MAGI1: variants seen among roughly 807,000 people sequenced by gnomAD.
The protein encoded by MAGI1 is membrane associated guanylate kinase, WW and PDZ domain containing 1.
A neutral mutation model predicts 139.9 loss-of-function variants in MAGI1; 58 were observed. The ratio of observed to expected loss-of-function variants is 0.41; its 90% confidence interval spans 0.34 to 0.52. MAGI1 has a LOEUF of 0.52. MAGI1 is among the 20% of genes least tolerant of loss of function. The pLI is 0.12. For missense variants in MAGI1, 1,874 were observed against 1,901.6 expected, an observed-to-expected ratio of 0.99 and a Z score of 0.27; for synonymous variants, 812 against 737.9, an observed-to-expected ratio of 1.10 and a Z score of -1.63.
intron 1 of MAGI1, among the ~76,000 whole-genome samples, chr3:65,643,706 A>G (rs989322006): frequency 2.6e-5 from 4 of 152,082 alleles, no homozygotes; most frequent in African/African-American, 9.7e-5. Context: ...TAGCTAAAGA[A>G]TTAGGGAAGA....
At chr3:65,623,505 T>TA (rs1434537176) in intron 1 of MAGI1, among the ~76,000 whole-genome samples, 3 of 152,206 alleles carry the variant, frequency 2.0e-5, no homozygotes, top group Non-Finnish European at 4.4e-5. Flanking sequence ...CAATGACAGC[T>TA]AAAAATAACT....
chr3:65,501,246 C>T (rs1559612713), intron 2 of MAGI1, among the ~76,000 whole-genome samples: 2 of 151,772 alleles, frequency 1.3e-5, no homozygotes, highest in Non-Finnish European at 2.9e-5. Context: ...TTTGGGAGGC[C>T]GAAGTGGATG....
In MAGI1 at chr3:65,478,657, G is replaced by A. The variant is rs768156669; in HGVS notation, c.692C>T (p.Ala231Val). The A allele has an allele frequency of 1.2e-6, 2 of 1,614,064 alleles. No homozygotes were observed. Among genetic ancestry groups the A allele is most frequent in the Non-Finnish European group, 8.5e-7 (1 of 1,179,980 alleles). Residue 231 changes from alanine to valine, a missense_variant, in exon 4 of 23, where the codon GCT becomes GTT. This residue lies in a region of MAGI1 where 648 missense variants were observed against 598.1 expected (regional missense o/e 1.08). Coordinates refer to ENST00000402939, the MANE Select transcript of MAGI1 (RefSeq NM_001033057.2). ...RTKSYNDMQN[A>V]GIVHAENEEE... is the part of the protein sequence containing the mutation. ...CTCATTCTCCGCGTGGACTATGCCA[G>A]CATTTTGCATATCATTGTAGGACTT...
intron 5 of MAGI1, among the ~76,000 whole-genome samples, chr3:65,469,167 A>G (rs1401205881): frequency 6.6e-6 from 1 of 152,170 alleles, no homozygotes; most frequent in Admixed American, 6.5e-5. Flanking sequence ...CACAGAGAAT[A>G]GATGTAGGAT....
At position 65,391,122 on chromosome 3, in the gene MAGI1, G is replaced by C. The variant is rs535975008; in HGVS notation, c.2416+20C>G. 6.2e-7 allele frequency: 1 copy of C among 1,608,936 alleles called. No homozygotes were observed. Among genetic ancestry groups the C allele is most frequent in the Non-Finnish European group, 8.5e-7 (1 of 1,175,558 alleles). On this transcript the variant is annotated intron_variant, in intron 14 of 22. Coordinates refer to ENST00000402939, the MANE Select transcript of MAGI1 (RefSeq NM_001033057.2). Reference sequence around the variant, plus strand: ...CCTGCGGAGGGGTCAGGGTAAGACAGAGGCCAGGATGCTACTCACGTCGGT... The same window carrying C: ...CCTGCGGAGGGGTCAGGGTAAGACACAGGCCAGGATGCTACTCACGTCGGT...
chr3:65,889,138 A>G (rs757506624), intron 1 of MAGI1, among the ~76,000 whole-genome samples: 1 of 152,244 alleles, frequency 6.6e-6, no homozygotes, highest in Non-Finnish European at 1.5e-5. Context: ...TCTGAAGCAT[A>G]GCCTCTAAAA....
At position 65,650,850 on chromosome 3, in the gene MAGI1, C is replaced by G. The variant is rs1018300379; in HGVS notation, c.314-28762G>C. 2.6e-5 allele frequency among the ~76,000 whole-genome samples: 4 copies of G among 152,164 alleles called. No individual in the cohort carries two copies. In the South Asian group the frequency reaches 6.2e-4, roughly 24 times the overall value. On this transcript the variant is annotated intron_variant, in intron 1 of 22. Transcript: ENST00000402939. Reference sequence around the variant, plus strand: ...GTATGAGAGGCATTGACATAAACTACTATACGATTCTTACAATTTACAGCA... The same window carrying G: ...GTATGAGAGGCATTGACATAAACTAGTATACGATTCTTACAATTTACAGCA...
At chr3:65,456,898 A>T (rs1193072314) in intron 5 of MAGI1, among the ~76,000 whole-genome samples, 1 of 152,170 alleles carries the variant, frequency 6.6e-6, no homozygotes, top group African/African-American at 2.4e-5. Context: ...CTATTCCTTC[A>T]CCAATAACAC....
chr3:65,615,826 G>A (rs180974200), intron 2 of MAGI1, among the ~76,000 whole-genome samples: 135 of 152,196 alleles, frequency 8.9e-4, no homozygotes, highest in African/African-American at 3.1e-3. Context: ...CTTACTTCGC[G>A]AAACATAAAT....
At chr3:65,723,408 G>A (rs2033270221) in intron 1 of MAGI1, among the ~76,000 whole-genome samples, 1 of 152,124 alleles carries the variant, frequency 6.6e-6, no homozygotes, top group African/African-American at 2.4e-5. Context: ...CCCCAAAGTA[G>A]CTCCAAAAGA....
At chr3:65,957,766 T>C (rs2064208028) in intron 1 of MAGI1, among the ~76,000 whole-genome samples, 1 of 151,976 alleles carries the variant, frequency 6.6e-6, no homozygotes, top group Non-Finnish European at 1.5e-5. Flanking sequence ...GTTGTTGTTG[T>C]TGTTGTTTTG....
intron 2 of MAGI1, among the ~76,000 whole-genome samples, chr3:65,602,703 A>G (rs145999453): frequency 2.0e-5 from 3 of 152,260 alleles, no homozygotes; most frequent in Non-Finnish European, 4.4e-5. Flanking sequence ...CTATATTTCA[A>G]TAAAACTATT....
At chr3:65,564,611 C>A (rs1330884796) in intron 2 of MAGI1, among the ~76,000 whole-genome samples, 1 of 152,130 alleles carries the variant, frequency 6.6e-6, no homozygotes, top group African/African-American at 2.4e-5. Flanking sequence ...AATAGTAGGC[C>A]ATGCAGTGGC....
At chr3:65,670,222 C>A (rs980165085) in intron 1 of MAGI1, among the ~76,000 whole-genome samples, 3 of 152,036 alleles carry the variant, frequency 2.0e-5, no homozygotes, top group Admixed American at 6.6e-5. Context: ...GGGGAAAAAA[C>A]ATTGAAATCC....
chr3:65,570,397 T>C (rs958412976), intron 2 of MAGI1, among the ~76,000 whole-genome samples: 1 of 148,846 alleles, frequency 6.7e-6, no homozygotes, highest in African/African-American at 2.5e-5. Flanking sequence ...CCACTACACC[T>C]GGCCTTTCTA....
At chr3:65,746,275 C>G (rs975634995) in intron 1 of MAGI1, among the ~76,000 whole-genome samples, 2 of 152,190 alleles carry the variant, frequency 1.3e-5, no homozygotes, top group African/African-American at 4.8e-5. Flanking sequence ...ACCTTGTGAT[C>G]TGCCTGCCTT....
At chr3:65,851,031 G>A (rs749737024) in intron 1 of MAGI1, among the ~76,000 whole-genome samples, 16 of 152,086 alleles carry the variant, frequency 1.1e-4, no homozygotes, top group Admixed American at 2.0e-4. Context: ...TGCTTCAACC[G>A]GGGAGGCAGA....
intron 2 of MAGI1, chr3:65,609,771 C>A (rs1366477082): frequency 8.7e-6 from 3 of 343,852 alleles, no homozygotes; most frequent in African/African-American, 2.2e-5. Context: ...GAGATGGGGT[C>A]TCCCAATGTT....
intron 1 of MAGI1, among the ~76,000 whole-genome samples, chr3:65,777,844 T>G (rs2038592403): frequency 6.6e-6 from 1 of 152,106 alleles, no homozygotes; most frequent in African/African-American, 2.4e-5. Flanking sequence ...ACGTTTTCTG[T>G]GAAAGATTAA....
Sources: gnomAD v4.1 joint callset for allele counts (sites outside exome capture counted in the v4.1 genomes callset) on GRCh38, gnomAD v4.1.1 for gene constraint, gnomAD v4.1.1 regional missense constraint, MANE v1.5 for transcripts, NCBI Gene and HGNC (gene_info 2026-07-23, HGNC 2026-07-21) for gene names.